Variants in REC114 observed in about 807,000 individuals in gnomAD.
REC114 encodes REC114 meiotic recombination protein, also known as meiotic recombination protein REC114.
REC114 carries 27 observed loss-of-function variants against 31.3 expected under a neutral mutation model. The ratio of observed to expected loss-of-function variants is 0.86; its 90% CI spans 0.64 to 1.19. The LOEUF (loss-of-function observed/expected upper bound fraction) is 1.19, where lower values mean the gene tolerates loss of function less well. Ranked by LOEUF, REC114 falls within the 50% of genes most tolerant of loss-of-function variation. The pLI is 0.00. For missense variants in REC114, 344 were observed against 326.9 expected, an observed-to-expected ratio of 1.05 and a Z score of -0.40; for synonymous variants, 134 against 127.7, an observed-to-expected ratio of 1.05 and a Z score of -0.33.
At chr15:73,553,397 TG>T (rs912498734) in intron 4 of REC114, among the ~76,000 whole-genome samples, 14 of 152,254 alleles carry the variant, frequency 9.2e-5, no homozygotes, top group African/African-American at 3.1e-4. Context: ...TCCCTACAAA[TG>T]GGTTGGTTGT....
At chr15:73,487,550 ATCT>A (rs1893387239) in intron 2 of REC114, among the ~76,000 whole-genome samples, 1 of 152,242 alleles carries the variant, frequency 6.6e-6, no homozygotes, top group Admixed American at 6.5e-5. Flanking sequence ...CTTGAGAGTA[ATCT>A]TCTTTGACTT....
intron 1 of REC114, among the ~76,000 whole-genome samples, chr15:73,447,648 A>AAAATAAAT (rs60241454): frequency 0.16 from 23,009 of 143,128 alleles, 1,902 homozygotes; most frequent in East Asian, 0.22. Flanking sequence ...ACTCTGTCTC[A>AAAATAAAT]AAATAAATAA....
chr15:73,546,936 G>A (rs1301704858), intron 3 of REC114, among the ~76,000 whole-genome samples: 6 of 151,640 alleles, frequency 4.0e-5, no homozygotes, highest in African/African-American at 7.3e-5. Context: ...TACTTAAATC[G>A]AAGACCTCAA....
At chr15:73,449,911 A>G (rs1482934180) in intron 1 of REC114, among the ~76,000 whole-genome samples, 1 of 152,210 alleles carries the variant, frequency 6.6e-6, no homozygotes, top group Non-Finnish European at 1.5e-5. Flanking sequence ...CTTCATAAGC[A>G]AAGGAGAAAT....
chr15:73,539,505 C>T lies in REC114; in HGVS notation c.250-980C>T, dbSNP rs996984453. On this transcript the variant is annotated intron_variant, in intron 2 of 5. Transcript: ENST00000331090. The stretch of plus-strand genomic sequence containing the variant: ...TTAAGGAAAGCATCAAAGAATTAAC[C>T]CTCACTGTTTCCCAGGTTGTAAATT... 2.7e-5 allele frequency among the ~76,000 whole-genome samples: 4 copies of T among 147,102 alleles called. No homozygotes were observed. In the East Asian group the frequency reaches 5.9e-4, roughly 22 times the overall value.
chr15:73,552,484 T>G (rs1431062726), intron 4 of REC114, among the ~76,000 whole-genome samples: 1 of 152,230 alleles, frequency 6.6e-6, no homozygotes, highest in Non-Finnish European at 1.5e-5. Context: ...TAATGAACAT[T>G]TTTAAATTCC....
At chr15:73,493,039 C>G (rs1353492791) in intron 2 of REC114, among the ~76,000 whole-genome samples, 1 of 150,832 alleles carries the variant, frequency 6.6e-6, no homozygotes, top group Non-Finnish European at 1.5e-5. Context: ...TTTTTTGAGA[C>G]AGAGTCTCAC....
At chr15:73,450,578 A>G (rs1892830619) in intron 1 of REC114, among the ~76,000 whole-genome samples, 1 of 152,180 alleles carries the variant, frequency 6.6e-6, no homozygotes, top group African/African-American at 2.4e-5. Flanking sequence ...CAGATCAATG[A>G]GACGGAAAAT....
At chr15:73,553,167 ATTAT>A (rs1894415516) in intron 4 of REC114, among the ~76,000 whole-genome samples, 2 of 152,254 alleles carry the variant, frequency 1.3e-5, no homozygotes, top group Admixed American at 6.5e-5. Flanking sequence ...ATAAATTTTC[ATTAT>A]TTATTATACA....
chr15:73,485,026 G>A (rs1173497342), intron 2 of REC114, among the ~76,000 whole-genome samples: 1 of 152,130 alleles, frequency 6.6e-6, no homozygotes, highest in African/African-American at 2.4e-5. Context: ...CTTAACTACA[G>A]AATCTTCTAA....
intron 4 of REC114, among the ~76,000 whole-genome samples, chr15:73,551,664 A>C (rs1408437429): frequency 5.3e-5 from 8 of 152,158 alleles, no homozygotes; most frequent in Admixed American, 1.3e-4. Flanking sequence ...AAGGGAACGC[A>C]CCTGTGTGAC....
intron 2 of REC114, among the ~76,000 whole-genome samples, chr15:73,492,180 C>T (rs1039745062): frequency 6.6e-6 from 1 of 152,148 alleles, no homozygotes; most frequent in Non-Finnish European, 1.5e-5. Flanking sequence ...CTACACACCC[C>T]ACTCCGCAAA....
chr15:73,559,725 G>A (rs774508121), intron 5 of REC114, 27 bp from the exon 6 acceptor site: 7 of 1,518,454 alleles, frequency 4.6e-6, no homozygotes, highest in African/African-American at 4.3e-5. Context: ...CCTGTAATCT[G>A]TAACGACTTT....
intron 2 of REC114, among the ~76,000 whole-genome samples, chr15:73,486,834 C>G (rs1893377914): frequency 6.6e-6 from 1 of 152,060 alleles, no homozygotes; most frequent in African/African-American, 2.4e-5. Context: ...GTTGGGAGTT[C>G]GCAACCAGCC....
At chr15:73,461,968 G>C (rs574054180) in intron 1 of REC114, among the ~76,000 whole-genome samples, 1 of 106,980 alleles carries the variant, frequency 9.3e-6, no homozygotes, top group South Asian at 3.2e-4. Context: ...GTCTTACTCT[G>C]TCACCCAGGC....
In REC114 at chr15:73,559,730, G is replaced by A. The variant is rs376080329; in HGVS notation, c.637-22G>A. 1.4e-4 allele frequency: 207 copies of A among 1,516,378 alleles called. 1 individual carries two copies. In the African/African-American group the frequency reaches 1.9e-3, roughly 14 times the overall value. 93.9% of individuals were successfully genotyped at this position (1,516,378 alleles called of 1,614,324 possible). A position where few individuals can be genotyped will look rare whatever the true frequency, so the allele number is the denominator to read the frequency against. Reference sequence around the variant, plus strand: ...ATTGCTTTTACCTGTAATCTGTAACGACTTTTCTGGTATCCCTGCAGACTC... The same window carrying A: ...ATTGCTTTTACCTGTAATCTGTAACAACTTTTCTGGTATCCCTGCAGACTC... On this transcript the variant is annotated intron_variant, in intron 5 of 5. Coordinates refer to ENST00000331090, the MANE Select transcript of REC114 (RefSeq NM_001042367.2).
intron 1 of REC114, among the ~76,000 whole-genome samples, chr15:73,469,188 TGA>T (rs1893101078): frequency 6.6e-6 from 1 of 152,184 alleles, no homozygotes. Context: ...TATCAGTTAT[TGA>T]GAGAGGGGTA....
At chr15:73,495,014 T>C (rs1893498940) in intron 2 of REC114, among the ~76,000 whole-genome samples, 2 of 152,226 alleles carry the variant, frequency 1.3e-5, no homozygotes, top group South Asian at 4.1e-4. Flanking sequence ...TCTCTTTCAT[T>C]AGGGACTAAT....
intron 2 of REC114, among the ~76,000 whole-genome samples, chr15:73,523,218 T>A (rs569910376): frequency 4.6e-5 from 7 of 152,124 alleles, no homozygotes; most frequent in Admixed American, 1.3e-4. Flanking sequence ...TAAAGGAGTT[T>A]AATTGAGCAA....
Sources: allele counts gnomAD v4.1 joint callset (sites outside exome capture counted in the v4.1 genomes callset), GRCh38; gene constraint gnomAD v4.1.1; transcripts MANE v1.5; gene names NCBI Gene and HGNC (gene_info 2026-07-23, HGNC 2026-07-21).